The following ME3 variants were observed in gnomAD, a reference collection of about 807,000 sequenced individuals.
ME3 encodes NADP-dependent malic enzyme, mitochondrial.
Under a neutral mutation model 68.9 loss-of-function variants are expected in ME3, and 48 were observed. The ratio of observed to expected loss-of-function variants is 0.70; its 90% confidence interval spans 0.55 to 0.89. The LOEUF (loss-of-function observed/expected upper bound fraction) is 0.89. Among genes scored for constraint, ME3 ranks in the 40% least tolerant of loss-of-function variants. ME3 has a pLI of 0.00. For missense variants in ME3, 675 were observed against 797.4 expected, an observed-to-expected ratio of 0.85 and a Z score of 1.85; for synonymous variants, 320 against 318.8, an observed-to-expected ratio of 1.00 and a Z score of -0.04.
intron 2 of ME3, among the ~76,000 whole-genome samples, chr11:86,589,831 C>A (rs557176155): frequency 6.6e-6 from 1 of 152,148 alleles, no homozygotes; most frequent in Non-Finnish European, 1.5e-5. Context: ...TTGTAAATAT[C>A]CACAACATGT....
chr11:86,510,750 A>G (rs952143245), intron 4 of ME3, among the ~76,000 whole-genome samples: 1 of 152,186 alleles, frequency 6.6e-6, no homozygotes, highest in African/African-American at 2.4e-5. Context: ...GAAAAAAATT[A>G]TCCCTGATTT....
At chr11:86,520,878 A>G (rs1347038031) in intron 4 of ME3, among the ~76,000 whole-genome samples, 1 of 152,234 alleles carries the variant, frequency 6.6e-6, no homozygotes, top group African/African-American at 2.4e-5. Flanking sequence ...GAAAGTTACC[A>G]GACCTCTCTG....
At chr11:86,572,606 A>G (rs4391846) in intron 2 of ME3, among the ~76,000 whole-genome samples, 92,995 of 152,104 alleles carry the variant, frequency 0.61, 28,653 homozygotes, top group Admixed American at 0.67. Context: ...TGCAAAGGAT[A>G]TGATCTCGTT....
chr11:86,564,808 CA>C (rs1301688458), intron 2 of ME3, among the ~76,000 whole-genome samples: 1 of 151,912 alleles, frequency 6.6e-6, no homozygotes, highest in East Asian at 1.9e-4. Flanking sequence ...GCTATGACAC[CA>C]AAAGGGCTAG....
intron 2 of ME3, among the ~76,000 whole-genome samples, chr11:86,640,927 GA>G (rs1359119992): frequency 1.1e-4 from 17 of 151,886 alleles, no homozygotes; most frequent in Non-Finnish European, 1.9e-4. Flanking sequence ...CATCTCCCCA[GA>G]GGGAAAGATG....
At chr11:86,634,407 C>A (rs1350299170) in intron 2 of ME3, among the ~76,000 whole-genome samples, 9 of 152,152 alleles carry the variant, frequency 5.9e-5, no homozygotes. Context: ...TCAGCATGCC[C>A]GTGGGACAGC....
intron 2 of ME3, among the ~76,000 whole-genome samples, chr11:86,566,198 G>A (rs2139512414): frequency 6.6e-6 from 1 of 152,304 alleles, no homozygotes; most frequent in Non-Finnish European, 1.5e-5. Flanking sequence ...GACTGTGCTG[G>A]CCTGCTAATG....
chr11:86,486,772 C>T (rs573515802), intron 7 of ME3, among the ~76,000 whole-genome samples: 4 of 152,278 alleles, frequency 2.6e-5, no homozygotes, highest in South Asian at 2.1e-4. Context: ...CGGGTGGCCA[C>T]GATGGCAGAC....
At chr11:86,653,939 A>G (rs1158679000) in intron 2 of ME3, among the ~76,000 whole-genome samples, 1 of 152,238 alleles carries the variant, frequency 6.6e-6, no homozygotes, top group Admixed American at 6.5e-5. Context: ...ACAGAAATAC[A>G]AACTGCCATC....
At chr11:86,560,204 G>A (rs1050225078) in intron 2 of ME3, among the ~76,000 whole-genome samples, 1 of 152,140 alleles carries the variant, frequency 6.6e-6, no homozygotes, top group South Asian at 2.1e-4. Context: ...CTGGTGGGAC[G>A]TGATTGGATC....
rs144480872 is a variant in ME3 at position 86,659,875 on chromosome 11, A to G, written c.183+11887T>C. ...AGCTGAATGGATGGATGGACCAATC[A>G]ATCGATAGATAGATCCAAATTTGGC... On this transcript the variant is annotated intron_variant, in intron 2 of 14. Transcript: ENST00000543262. Among the ~76,000 whole-genome samples, 1,337 of 152,300 alleles carry G rather than the reference A, an allele frequency of 8.8e-3. 27 individuals are homozygous for G. The highest frequency in any genetic ancestry group is 0.03 in the African/African-American group (1,250 of 41,552).
intron 5 of ME3, among the ~76,000 whole-genome samples, 157 bp from the exon 6 acceptor site, chr11:86,498,281 C>G (rs929539436): frequency 6.6e-6 from 1 of 152,194 alleles, no homozygotes; most frequent in African/African-American, 2.4e-5. Flanking sequence ...CATTTATTCA[C>G]CTGCAGGTGA....
At chr11:86,612,144 T>C (rs1298128196) in intron 2 of ME3, among the ~76,000 whole-genome samples, 3 of 152,202 alleles carry the variant, frequency 2.0e-5, no homozygotes, top group Admixed American at 6.5e-5. Context: ...CTCCCACTTA[T>C]GAGTGAGAAC....
At chr11:86,462,150 C>T (rs934875236) in intron 8 of ME3, among the ~76,000 whole-genome samples, 3 of 152,166 alleles carry the variant, frequency 2.0e-5, no homozygotes, top group Non-Finnish European at 4.4e-5. Flanking sequence ...ACAGTCAATC[C>T]TTGAACAACA....
intron 7 of ME3, among the ~76,000 whole-genome samples, chr11:86,470,655 T>A (rs676106): frequency 0.3 from 45,501 of 152,098 alleles, 7,184 homozygotes; most frequent in Non-Finnish European, 0.33. Context: ...TTGCATCTCA[T>A]CCTCACCACC....
chr11:86,577,144 A>G (rs1565163002), intron 2 of ME3, among the ~76,000 whole-genome samples: 1 of 152,176 alleles, frequency 6.6e-6, no homozygotes, highest in Non-Finnish European at 1.5e-5. Flanking sequence ...ACTGTGCTTT[A>G]GGAAACAAGC....
At chr11:86,559,629 C>T in intron 3 of ME3, 61 bp downstream of exon 3, 1 of 1,531,960 alleles carries the variant, frequency 6.5e-7, no homozygotes. Flanking sequence ...CTCTGTGAAG[C>T]ACAGGAAACA....
chr11:86,527,984 A>C (rs188411553), intron 4 of ME3, among the ~76,000 whole-genome samples: 1 of 152,138 alleles, frequency 6.6e-6, no homozygotes, highest in Non-Finnish European at 1.5e-5. Context: ...CATAATGACA[A>C]GATCAAATTC....
chr11:86,565,437 T>C (rs921373650), intron 2 of ME3, among the ~76,000 whole-genome samples: 1 of 152,240 alleles, frequency 6.6e-6, no homozygotes, highest in African/African-American at 2.4e-5. Flanking sequence ...TCAGTGTTCA[T>C]TGCAGCATTA....
Sources: allele counts gnomAD v4.1 joint callset (sites outside exome capture counted in the v4.1 genomes callset), GRCh38; gene constraint gnomAD v4.1.1; transcripts MANE v1.5; gene names NCBI Gene and HGNC (gene_info 2026-07-23, HGNC 2026-07-21).